Variants in GALNT13 observed in about 807,000 individuals in gnomAD.
GALNT13 encodes the protein UDP-GalNAc:polypeptide N-acetylgalactosaminyltransferase 13.
Under a neutral mutation model 64.2 loss-of-function variants are expected in GALNT13, and 28 were observed. The observed-to-expected ratio is 0.44, with a 90% CI of 0.32 to 0.60. GALNT13 has a LOEUF of 0.60. Ranked by LOEUF, GALNT13 falls within the 20% of genes least tolerant of loss-of-function variation. The pLI, the probability that GALNT13 is intolerant of heterozygous loss-of-function variation, is 0.05. For missense variants in GALNT13, 577 were observed against 669.8 expected, an observed-to-expected ratio of 0.86 and a Z score of 1.53; for synonymous variants, 214 against 224.6, an observed-to-expected ratio of 0.95 and a Z score of 0.42.
intron 3 of GALNT13, among the ~76,000 whole-genome samples, chr2:154,013,818 G>C (rs1696811595): frequency 6.6e-6 from 1 of 152,146 alleles, no homozygotes; most frequent in African/African-American, 2.4e-5. Context: ...AGGTCGGTCG[G>C]CCCTTGCGCA....
At chr2:153,331,866 T>G in the GALNT13 span, among the ~76,000 whole-genome samples, 34 of 151,820 alleles carry the variant, frequency 2.2e-4, no homozygotes, top group African/African-American at 8.0e-4. Flanking sequence ...AATATTGACC[T>G]GTTTTGTATT....
intron 3 of GALNT13, among the ~76,000 whole-genome samples, chr2:154,090,683 C>T (rs958817672): frequency 2.0e-5 from 3 of 151,886 alleles, no homozygotes; most frequent in African/African-American, 4.8e-5. Context: ...CTCAAATTTC[C>T]GTTACCATTA....
At chr2:154,386,340 C>A (rs1698512842) in intron 9 of GALNT13, among the ~76,000 whole-genome samples, 1 of 151,918 alleles carries the variant, frequency 6.6e-6, no homozygotes, top group South Asian at 2.1e-4. Flanking sequence ...CCAAAGGAAG[C>A]AGGTGGTAAG....
chr2:154,217,010 C>A (rs771305288), intron 4 of GALNT13, among the ~76,000 whole-genome samples: 3 of 150,266 alleles, frequency 2.0e-5, no homozygotes, highest in Non-Finnish European at 4.4e-5. Context: ...CCAGGCTTGT[C>A]TCAAACCTTT....
chr2:153,120,928 C>T, the GALNT13 span, among the ~76,000 whole-genome samples: 13 of 152,254 alleles, frequency 8.5e-5, no homozygotes, highest in East Asian at 5.8e-4. Context: ...GTGATCTGCT[C>T]CAAAGTATTA....
At chr2:154,021,290 G>T (rs1465778436) in intron 3 of GALNT13, among the ~76,000 whole-genome samples, 1 of 152,126 alleles carries the variant, frequency 6.6e-6, no homozygotes, top group Non-Finnish European at 1.5e-5. Context: ...ATTACCTTGG[G>T]CAGTATGGCC....
the GALNT13 span, among the ~76,000 whole-genome samples, chr2:153,618,940 C>A: frequency 1.3e-5 from 2 of 151,902 alleles, no homozygotes; most frequent in African/African-American, 4.8e-5. Context: ...TTCTTGTAGG[C>A]AACAGATCAA....
At chr2:153,607,190 T>A in the GALNT13 span, among the ~76,000 whole-genome samples, 1 of 151,096 alleles carries the variant, frequency 6.6e-6, no homozygotes, top group East Asian at 1.9e-4. Flanking sequence ...CGTATGTAGA[T>A]GCCCAGTAAT....
At chr2:153,569,111 G>T in the GALNT13 span, among the ~76,000 whole-genome samples, 1 of 151,954 alleles carries the variant, frequency 6.6e-6, no homozygotes, top group African/African-American at 2.4e-5. Context: ...TTTTTTTGGG[G>T]GGTACAGTGG....
At chr2:153,374,554 C>T in the GALNT13 span, among the ~76,000 whole-genome samples, 109 of 152,140 alleles carry the variant, frequency 7.2e-4, no homozygotes, top group South Asian at 8.7e-3. Context: ...TCACAATTCT[C>T]TTTTCTGTGT....
the GALNT13 span, among the ~76,000 whole-genome samples, chr2:153,195,701 T>A: frequency 6.6e-6 from 1 of 152,240 alleles, no homozygotes. Context: ...GCAAGGGACA[T>A]GTCTCAGCCC....
At chr2:153,170,496 C>G in the GALNT13 span, among the ~76,000 whole-genome samples, 3 of 152,110 alleles carry the variant, frequency 2.0e-5, no homozygotes, top group African/African-American at 4.8e-5. Context: ...TAGCCAAAGT[C>G]TGGAACAGGT....
chr2:153,649,105 TG>T, the GALNT13 span, among the ~76,000 whole-genome samples: 3 of 152,182 alleles, frequency 2.0e-5, no homozygotes, highest in Non-Finnish European at 4.4e-5. Flanking sequence ...TGGACTTTTT[TG>T]GTTGGTAAGC....
At chr2:154,443,833 CAT>C (rs1221665843) in intron 12 of GALNT13, among the ~76,000 whole-genome samples, 2 of 152,024 alleles carry the variant, frequency 1.3e-5, no homozygotes, top group Non-Finnish European at 2.9e-5. Context: ...TGTATTTTTA[CAT>C]GTTACGATTA....
At chr2:153,226,159 C>T in the GALNT13 span, among the ~76,000 whole-genome samples, 2 of 151,994 alleles carry the variant, frequency 1.3e-5, no homozygotes, top group African/African-American at 2.4e-5. Context: ...GTCTCGAACT[C>T]CTGACCTCGT....
chr2:153,092,844 C>T, the GALNT13 span, among the ~76,000 whole-genome samples: 12 of 152,032 alleles, frequency 7.9e-5, no homozygotes, highest in Non-Finnish European at 1.5e-4. Context: ...CTATTGCTTC[C>T]ATGGTACTAG....
chr2:153,806,473 G>A, the GALNT13 span, among the ~76,000 whole-genome samples: 2 of 151,880 alleles, frequency 1.3e-5, no homozygotes, highest in Non-Finnish European at 2.9e-5. Flanking sequence ...ATATAGGCGG[G>A]AAATTATATA....
the GALNT13 span, among the ~76,000 whole-genome samples, chr2:153,072,402 A>T: frequency 6.6e-6 from 1 of 152,168 alleles, no homozygotes; most frequent in East Asian, 1.9e-4. Flanking sequence ...AACTACACAG[A>T]TCATTCTTCC....
At chr2:153,351,758 T>G in the GALNT13 span, among the ~76,000 whole-genome samples, 39,428 of 152,130 alleles carry the variant, frequency 0.26, 6,620 homozygotes, top group Non-Finnish European at 0.38. Context: ...AATATACATT[T>G]AAGTTTCCTC....
Sources: allele counts gnomAD v4.1 joint callset (sites outside exome capture counted in the v4.1 genomes callset), GRCh38; gene constraint gnomAD v4.1.1; transcripts MANE v1.5; gene names NCBI Gene and HGNC (gene_info 2026-07-23, HGNC 2026-07-21).